The following GNB1 variants were observed in gnomAD, a reference collection of about 807,000 sequenced individuals.
The protein encoded by GNB1 is guanine nucleotide-binding protein G(I)/G(S)/G(T) subunit beta-1.
In GNB1, 2 loss-of-function variants were observed where a neutral mutation model predicts 42.9. The observed-to-expected ratio is 0.05, with a 90% CI of 0.02 to 0.15. The LOEUF is 0.15. Among genes scored for constraint, GNB1 ranks in the 10% least tolerant of loss-of-function variants. The probability of loss-of-function intolerance (pLI) is 1.00; values close to 1 mark genes in which losing one functional copy is unlikely to be tolerated. For synonymous variants in GNB1, 183 were observed against 174.7 expected, an observed-to-expected ratio of 1.05 and a Z score of -0.38; for missense variants, 193 against 462.2, an observed-to-expected ratio of 0.42 and a Z score of 5.34.
chr1:1,793,528 C>G (rs1557882578), intron 7 of GNB1: 3 of 410,744 alleles, frequency 7.3e-6, no homozygotes, highest in Admixed American at 3.7e-5. Context: ...GCACGTCCCA[C>G]AGAGACCCAC....
chr1:1,886,361 A>C (rs1441313410), intron 1 of GNB1, among the ~76,000 whole-genome samples: 2 of 152,154 alleles, frequency 1.3e-5, no homozygotes, highest in African/African-American at 2.4e-5. Context: ...TAGCAAACTC[A>C]AATGTCTATA....
chr1:1,807,382 T>C (rs1269266551), intron 5 of GNB1, among the ~76,000 whole-genome samples: 2 of 138,996 alleles, frequency 1.4e-5, no homozygotes, highest in Non-Finnish European at 3.0e-5. Flanking sequence ...GAAAACTGCT[T>C]GAACCCAGGA....
chr1:1,886,745 C>T (rs192283471), intron 1 of GNB1, among the ~76,000 whole-genome samples: 115 of 152,238 alleles, frequency 7.6e-4, no homozygotes, highest in African/African-American at 2.7e-3. Flanking sequence ...CTCGCTGTGT[C>T]GCCCAGGCTG....
At chr1:1,849,878 T>G (rs1647887001) in intron 1 of GNB1, among the ~76,000 whole-genome samples, 1 of 152,186 alleles carries the variant, frequency 6.6e-6, no homozygotes, top group Non-Finnish European at 1.5e-5. Context: ...TTCTCAACCA[T>G]TAGCTCTTTG....
chr1:1,852,206 C>T (rs751751834), intron 1 of GNB1, among the ~76,000 whole-genome samples: 4 of 151,538 alleles, frequency 2.6e-5, no homozygotes, highest in Non-Finnish European at 5.9e-5. Context: ...TTCAGACCAG[C>T]CTAGGCAACA....
intron 1 of GNB1, among the ~76,000 whole-genome samples, chr1:1,857,297 G>A (rs1480457267): frequency 6.0e-5 from 9 of 149,332 alleles, no homozygotes; most frequent in Admixed American, 1.3e-4. Flanking sequence ...AGTCTCGGAT[G>A]GCTCTTGGGG....
chr1:1,835,922 GAAAAAA>G (rs59271649), intron 2 of GNB1, among the ~76,000 whole-genome samples: 2 of 88,680 alleles, frequency 2.3e-5, no homozygotes, highest in Admixed American at 1.5e-4. Flanking sequence ...ATTAAAAAAA[GAAAAAA>G]AAAAAAAAAA....
At chr1:1,847,078 GA>G (rs1440473290) in intron 1 of GNB1, among the ~76,000 whole-genome samples, 2 of 152,070 alleles carry the variant, frequency 1.3e-5, no homozygotes, top group Non-Finnish European at 1.5e-5. Flanking sequence ...CCCTATTCTG[GA>G]AAAAACTGCC....
chr1:1,823,300 A>C (rs1646957531), intron 3 of GNB1, among the ~76,000 whole-genome samples: 1 of 151,844 alleles, frequency 6.6e-6, no homozygotes, highest in Non-Finnish European at 1.5e-5. Context: ...ATAGTCTCAA[A>C]AGCAGGTGGT....
chr1:1,815,620 C>T (rs192415823), intron 5 of GNB1, 136 bp downstream of exon 5: 37 of 609,956 alleles, frequency 6.1e-5, no homozygotes, highest in East Asian at 3.1e-4. Flanking sequence ...CTGCACCTTG[C>T]GTGCCCAGAG....
intron 7 of GNB1, among the ~76,000 whole-genome samples, chr1:1,798,074 G>A (rs557241260): frequency 1.3e-5 from 2 of 152,384 alleles, no homozygotes; most frequent in East Asian, 1.9e-4. Context: ...CACTTGGAGA[G>A]CAGAGGTGTT....
chr1:1,815,112 TAAAA>T (rs762856445), intron 5 of GNB1, among the ~76,000 whole-genome samples: 1 of 123,368 alleles, frequency 8.1e-6, no homozygotes. Context: ...ACTCCGTCTT[TAAAA>T]AAAAAAAAAA....
intron 1 of GNB1, among the ~76,000 whole-genome samples, chr1:1,881,244 TATCA>T (rs1018017989): frequency 2.0e-5 from 3 of 152,004 alleles, no homozygotes; most frequent in African/African-American, 7.3e-5. Flanking sequence ...CACCAGGTCT[TATCA>T]ATCGTCAACC....
At chr1:1,845,485 A>G (rs1443060865) in intron 1 of GNB1, among the ~76,000 whole-genome samples, 1 of 152,180 alleles carries the variant, frequency 6.6e-6, no homozygotes, top group African/African-American at 2.4e-5. Flanking sequence ...AGGCAGGAGA[A>G]TGGCGTGAAC....
Position 1,825,412 on chromosome 1 carries a change from A to G in GNB1, c.42T>C (p.Leu14=). The change falls in exon 3 of 12, where the codon CTT becomes CTC. Residue 14 remains leucine, a synonymous_variant. Coordinates refer to ENST00000378609, the MANE Select transcript of GNB1 (RefSeq NM_002074.5). Reference sequence around the variant, plus strand: ...AACTACATACTCGAATCTGGTTCTTAAGTTGCTCGGCCTCCTGCCGTAACT... The same window carrying G: ...AACTACATACTCGAATCTGGTTCTTGAGTTGCTCGGCCTCCTGCCGTAACT... The part of the protein sequence containing the change: ...LDQLRQEAEQ[L]KNQIRDARKA... 1 of 1,612,072 alleles carries G rather than the reference A, an allele frequency of 6.2e-7. No homozygotes were observed. The highest frequency in any genetic ancestry group is 8.5e-7 in the Non-Finnish European group (1 of 1,178,074).
At chr1:1,820,359 A>T (rs1207910553) in intron 3 of GNB1, among the ~76,000 whole-genome samples, 6 of 140,274 alleles carry the variant, frequency 4.3e-5, no homozygotes, top group Non-Finnish European at 6.2e-5. Context: ...CTCTGTTTAA[A>T]AAAAAAAAAA....
chr1:1,861,097 A>C (rs930929215), intron 1 of GNB1, among the ~76,000 whole-genome samples: 2 of 131,978 alleles, frequency 1.5e-5, no homozygotes, highest in Non-Finnish European at 3.3e-5. Flanking sequence ...CGACAGAGCG[A>C]GACTCTGTCT....
intron 7 of GNB1, among the ~76,000 whole-genome samples, chr1:1,799,180 A>G (rs1024779223): frequency 2.0e-5 from 3 of 152,272 alleles, no homozygotes; most frequent in Admixed American, 6.5e-5. Context: ...TCGGCCTCCC[A>G]AAGTGCTGGG....
chr1:1,858,068 T>C (rs1313094805), intron 1 of GNB1, among the ~76,000 whole-genome samples: 1 of 152,210 alleles, frequency 6.6e-6, no homozygotes, highest in Non-Finnish European at 1.5e-5. Context: ...GGATCCATAA[T>C]GGAGAATCCA....
Sources: allele counts gnomAD v4.1 joint callset (sites outside exome capture counted in the v4.1 genomes callset), GRCh38; gene constraint gnomAD v4.1.1; transcripts MANE v1.5; gene names NCBI Gene and HGNC (gene_info 2026-07-23, HGNC 2026-07-21).